TRIQK: variants seen among roughly 807,000 people sequenced by gnomAD.
The protein encoded by TRIQK is triple QxxK/R motif-containing protein.
Under a neutral mutation model 10.8 loss-of-function variants are expected in TRIQK, and 10 were observed. The ratio of observed to expected loss-of-function variants is 0.92; its 90% CI spans 0.57 to 1.57. TRIQK has a LOEUF of 1.57. TRIQK is among the 40% of genes most tolerant of loss of function. The probability of loss-of-function intolerance (pLI) is 0.00; values close to 1 mark genes in which losing one functional copy is unlikely to be tolerated. For synonymous variants in TRIQK, 33 were observed against 33.7 expected, an observed-to-expected ratio of 0.98 and a Z score of 0.07; for missense variants, 107 against 97.7, an observed-to-expected ratio of 1.09 and a Z score of -0.40.
At chr8:92,970,873 G>A (rs926146325), upstream of TRIQK, among the ~76,000 whole-genome samples, 16 of 152,084 alleles carry the variant, frequency 1.1e-4, no homozygotes, top group African/African-American at 3.6e-4. Flanking sequence ...CTTTGCCCAT[G>A]TCTATGTCCT....
In TRIQK at chr8:92,945,408, T is replaced by A. The variant is rs147122480; in HGVS notation, c.-22+8998A>T. 3.4e-3 allele frequency among the ~76,000 whole-genome samples: 523 copies of A among 152,288 alleles called. 4 individuals are homozygous for A. The highest frequency in any genetic ancestry group is 0.012 in the African/African-American group (499 of 41,554). Reference sequence around the variant, plus strand: ...TGTAGGATCTAACTTCCCCAACAATTGCCTACTGGGGTCAGGGGATATAAT... The same window carrying A: ...TGTAGGATCTAACTTCCCCAACAATAGCCTACTGGGGTCAGGGGATATAAT... On this transcript the variant is annotated intron_variant, in intron 2 of 4. Transcript: ENST00000521988.
At chr8:92,992,346 A>G (rs7824733) in intron 1 of TRIQK, among the ~76,000 whole-genome samples, 4,350 of 152,262 alleles carry the variant, frequency 0.029, 205 homozygotes, top group African/African-American at 0.099. Flanking sequence ...AGGACAGGGG[A>G]GGAAGATCTT....
chr8:92,971,839 A>C (rs1168527234), intron 1 of TRIQK, among the ~76,000 whole-genome samples: 1 of 152,222 alleles, frequency 6.6e-6, no homozygotes, highest in Non-Finnish European at 1.5e-5. Flanking sequence ...CATATAGCCA[A>C]GACAATCCTA....
intron 1 of TRIQK, among the ~76,000 whole-genome samples, chr8:93,010,054 G>C (rs1355193695): frequency 6.6e-6 from 1 of 152,122 alleles, no homozygotes; most frequent in Non-Finnish European, 1.5e-5. Flanking sequence ...CTCAGATGAG[G>C]AATCTATAAA....
At chr8:92,977,947 T>G (rs1812950139) in intron 1 of TRIQK, among the ~76,000 whole-genome samples, 1 of 152,158 alleles carries the variant, frequency 6.6e-6, no homozygotes, top group South Asian at 2.1e-4. Flanking sequence ...TGTATTTCCA[T>G]TTTTGCTGGA....
intron 1 of TRIQK, among the ~76,000 whole-genome samples, chr8:93,015,194 A>T (rs1008353980): frequency 6.6e-6 from 1 of 151,818 alleles, no homozygotes; most frequent in Non-Finnish European, 1.5e-5. Flanking sequence ...TGTAATTAAA[A>T]ATTTGTTTTA....
chr8:92,932,423 T>C (rs1044507635), intron 2 of TRIQK, among the ~76,000 whole-genome samples: 6 of 152,184 alleles, frequency 3.9e-5, no homozygotes, highest in African/African-American at 1.2e-4. Context: ...AGTGTTCTCA[T>C]TGCATGCTAT....
At chr8:93,010,566 T>C (rs1387965335) in intron 1 of TRIQK, among the ~76,000 whole-genome samples, 1 of 152,198 alleles carries the variant, frequency 6.6e-6, no homozygotes, top group Non-Finnish European at 1.5e-5. Flanking sequence ...AGCAGTATTT[T>C]ACATCTTTTA....
At chr8:93,006,975 G>A (rs920403995) in intron 1 of TRIQK, among the ~76,000 whole-genome samples, 1 of 152,226 alleles carries the variant, frequency 6.6e-6, no homozygotes, top group Non-Finnish European at 1.5e-5. Flanking sequence ...TTCCTTCAGC[G>A]CAGTGCACCC....
intron 1 of TRIQK, among the ~76,000 whole-genome samples, chr8:93,008,526 A>G (rs1416430242): frequency 6.6e-6 from 1 of 152,160 alleles, no homozygotes; most frequent in Non-Finnish European, 1.5e-5. Context: ...AAATTACCTT[A>G]AGAATCCAAA....
chr8:92,898,873 A>ATATATATATATATATG (rs60191958), intron 3 of TRIQK, among the ~76,000 whole-genome samples: 1 of 120,728 alleles, frequency 8.3e-6, no homozygotes, highest in Non-Finnish European at 1.7e-5. Context: ...ATATATATAT[A>ATATATATATATATATG]GATGGGGGTA....
intron 3 of TRIQK, among the ~76,000 whole-genome samples, chr8:92,894,512 G>T (rs1187405277): frequency 6.6e-6 from 1 of 151,866 alleles, no homozygotes; most frequent in Non-Finnish European, 1.5e-5. Context: ...GAACACAACT[G>T]ATTCTGATTT....
intron 1 of TRIQK, among the ~76,000 whole-genome samples, chr8:93,001,275 C>A (rs1473501529): frequency 6.6e-6 from 1 of 150,764 alleles, no homozygotes; most frequent in Non-Finnish European, 1.5e-5. Flanking sequence ...CCACTGCACC[C>A]CAGCCTGGCA....
At chr8:92,936,880 T>A (rs1417850564) in intron 2 of TRIQK, among the ~76,000 whole-genome samples, 1 of 151,802 alleles carries the variant, frequency 6.6e-6, no homozygotes, top group African/African-American at 2.4e-5. Flanking sequence ...CTATAAATAC[T>A]ATGGAATACC....
chr8:92,943,005 T>C (rs1391661110), intron 2 of TRIQK, among the ~76,000 whole-genome samples: 1 of 151,680 alleles, frequency 6.6e-6, no homozygotes, highest in South Asian at 2.1e-4. Context: ...CAAAAATCAG[T>C]GGTATTTATA....
intron 2 of TRIQK, chr8:92,929,384 C>T (rs1810597276): frequency 6.6e-6 from 1 of 152,118 alleles, no homozygotes; most frequent in Admixed American, 6.5e-5. Flanking sequence ...GAAAACAAAG[C>T]ACTTGTTTTT....
At chr8:92,939,961 G>A (rs1811185869) in intron 2 of TRIQK, among the ~76,000 whole-genome samples, 2 of 152,080 alleles carry the variant, frequency 1.3e-5, no homozygotes, top group Non-Finnish European at 2.9e-5. Context: ...ACCCAGCCAA[G>A]GAATATGTCT....
upstream of TRIQK, among the ~76,000 whole-genome samples, chr8:92,968,334 G>A (rs1235653481): frequency 6.6e-6 from 1 of 152,074 alleles, no homozygotes; most frequent in Admixed American, 6.6e-5. Flanking sequence ...GAATTCCTGG[G>A]TCAAATGGCG....
intron 2 of TRIQK, chr8:92,926,370 G>C (rs1374692944): frequency 6.6e-6 from 1 of 151,742 alleles, no homozygotes; most frequent in African/African-American, 2.4e-5. Flanking sequence ...ATAAGTGAGA[G>C]GTAAGAAAGC....
Sources: allele counts gnomAD v4.1 joint callset (sites outside exome capture counted in the v4.1 genomes callset), GRCh38; gene constraint gnomAD v4.1.1; transcripts MANE v1.5; gene names NCBI Gene and HGNC (gene_info 2026-07-23, HGNC 2026-07-21).